Variants in SHTN1 observed in about 807,000 individuals in gnomAD.
SHTN1 encodes the protein shootin 1.
In SHTN1, 42 loss-of-function variants were observed where a neutral mutation model predicts 83.1. The ratio of observed to expected loss-of-function variants is 0.51; its 90% CI spans 0.39 to 0.65. SHTN1 has a LOEUF of 0.65. Among genes scored for constraint, SHTN1 ranks in the 30% least tolerant of loss-of-function variants. SHTN1 has a pLI of 0.00. For missense variants in SHTN1, 622 were observed against 737.8 expected (o/e 0.84, Z 1.82); for synonymous variants, 224 against 247.7 (o/e 0.90, Z 0.90).
chr10:117,020,682 C>T (rs755597277), intron 2 of SHTN1, among the ~76,000 whole-genome samples: 1 of 151,448 alleles, frequency 6.6e-6, no homozygotes, highest in Non-Finnish European at 1.5e-5. Context: ...AATCATGGAC[C>T]TAAATATACA....
intron 1 of SHTN1, among the ~76,000 whole-genome samples, chr10:116,999,926 C>A (rs956986370): frequency 1.3e-5 from 2 of 151,958 alleles, no homozygotes; most frequent in East Asian, 1.9e-4. Context: ...TAAATAAATA[C>A]ATAAATAAAT....
chr10:117,078,747 G>A (rs1298588772), intron 1 of SHTN1, among the ~76,000 whole-genome samples: 2 of 152,098 alleles, frequency 1.3e-5, no homozygotes, highest in East Asian at 3.9e-4. Flanking sequence ...AACCAGAAGA[G>A]TAAAAACATG....
Position 116,881,615 on chromosome 10 carries a change from C to G in SHTN1, c.*4729G>C. The G allele has an allele frequency of 6.4e-7, 1 of 1,550,460 alleles. No individual in the cohort carries two copies. Among genetic ancestry groups the G allele is most frequent in the South Asian group, 1.2e-5 (1 of 84,018 alleles). On this transcript the variant is annotated 3_prime_UTR_variant, in exon 17 of 17. Coordinates refer to ENST00000355371, the MANE Select transcript of SHTN1 (RefSeq NM_001127211.3). ...CGGCTAGGGAGCCGCTGGTGCCCAC[C>G]TTCCCCACACAAGGTGTAGAGGAAT...
At chr10:116,887,489 C>T (rs1007503432) in intron 16 of SHTN1, among the ~76,000 whole-genome samples, 4 of 152,084 alleles carry the variant, frequency 2.6e-5, no homozygotes, top group Non-Finnish European at 5.9e-5. Context: ...AACCATGACC[C>T]GGCACACCAC....
chr10:117,068,427 G>A (rs1267315280), intron 1 of SHTN1, among the ~76,000 whole-genome samples: 1 of 151,958 alleles, frequency 6.6e-6, no homozygotes, highest in African/African-American at 2.4e-5. Context: ...ATATAGTAGT[G>A]GGCACCAATC....
intron 11 of SHTN1, among the ~76,000 whole-genome samples, chr10:116,926,038 T>C (rs933636635): frequency 4.6e-5 from 7 of 152,148 alleles, no homozygotes; most frequent in Non-Finnish European, 7.4e-5. Context: ...TTATGTCCTA[T>C]ACTATTTAAA....
chr10:117,103,680 G>A (rs922987902), intron 1 of SHTN1, among the ~76,000 whole-genome samples: 4 of 151,556 alleles, frequency 2.6e-5, no homozygotes, highest in Admixed American at 6.6e-5. Flanking sequence ...GGGGCTACAG[G>A]TGCCCACCAC....
intron 1 of SHTN1, among the ~76,000 whole-genome samples, chr10:117,099,523 C>T (rs1853558338): frequency 6.6e-6 from 1 of 152,140 alleles, no homozygotes; most frequent in South Asian, 2.1e-4. Context: ...TTCCCAAGTT[C>T]ACAAAGTTGT....
At position 116,977,620 on chromosome 10, in the gene SHTN1, T is replaced by C. The variant is rs537996299; in HGVS notation, c.111+1636A>G. 1.2e-4 allele frequency among the ~76,000 whole-genome samples: 18 copies of C among 152,100 alleles called. No homozygotes were observed. The South Asian group carries it at 3.7e-3, about 32-fold the overall frequency. On this transcript the variant is annotated intron_variant, in intron 2 of 16. Transcript: ENST00000355371. ...TTCTGCATGGTTACAGGGTTGGAAT[T>C]AGAAATCATGCCAAACTACTATTTT...
chr10:116,929,399 T>G (rs1564881823), intron 10 of SHTN1, among the ~76,000 whole-genome samples: 2 of 152,214 alleles, frequency 1.3e-5, no homozygotes, highest in Non-Finnish European at 2.9e-5. Context: ...ATAGAAAGTA[T>G]TATTTCATGT....
At chr10:116,957,191 G>C (rs906656408) in intron 4 of SHTN1, among the ~76,000 whole-genome samples, 3 of 140,698 alleles carry the variant, frequency 2.1e-5, no homozygotes, top group Non-Finnish European at 4.7e-5. Flanking sequence ...TCAAGCTATA[G>C]GTTAATTGCA....
chr10:117,095,476 T>A (rs1332562827), intron 1 of SHTN1, among the ~76,000 whole-genome samples: 1 of 152,182 alleles, frequency 6.6e-6, no homozygotes, highest in Non-Finnish European at 1.5e-5. Context: ...TTCGAAAATA[T>A]CACACTAAGA....
intron 1 of SHTN1, among the ~76,000 whole-genome samples, chr10:117,000,624 A>C (rs1424332488): frequency 6.6e-6 from 1 of 152,200 alleles, no homozygotes; most frequent in African/African-American, 2.4e-5. Context: ...CTTGGAAATG[A>C]CATGGCATTA....
At chr10:116,891,015 A>G (rs1261978485) in intron 16 of SHTN1, among the ~76,000 whole-genome samples, 4 of 152,234 alleles carry the variant, frequency 2.6e-5, no homozygotes, top group Non-Finnish European at 4.4e-5. Flanking sequence ...ATTCAAATTA[A>G]CTAATGCCCA....
chr10:117,037,577 A>G (rs929959355), intron 2 of SHTN1, among the ~76,000 whole-genome samples: 13 of 152,204 alleles, frequency 8.5e-5, no homozygotes, highest in Non-Finnish European at 1.8e-4. Flanking sequence ...AAGAGAGGCA[A>G]AAGACCCAAA....
At chr10:117,104,749 G>A (rs1853649567) in intron 1 of SHTN1, among the ~76,000 whole-genome samples, 1 of 152,118 alleles carries the variant, frequency 6.6e-6, no homozygotes, top group Non-Finnish European at 1.5e-5. Context: ...ACTGCAGCCT[G>A]GGCGACAGAG....
intron 16 of SHTN1, among the ~76,000 whole-genome samples, chr10:116,893,020 G>C (rs761157971): frequency 1.3e-5 from 2 of 152,182 alleles, no homozygotes; most frequent in African/African-American, 4.8e-5. Flanking sequence ...TTAATTCTCT[G>C]AGAGAATTGA....
chr10:116,977,797 C>T (rs1432234586), intron 2 of SHTN1, among the ~76,000 whole-genome samples: 2 of 152,164 alleles, frequency 1.3e-5, no homozygotes, highest in South Asian at 2.1e-4. Flanking sequence ...GCCTCAACCT[C>T]GCAAGTAGCT....
rs760031153 is a variant in SHTN1, at chr10:116,881,717, C to T, written c.*4627G>A. On this transcript the variant is annotated 3_prime_UTR_variant, in exon 17 of 17. Coordinates refer to ENST00000355371, the MANE Select transcript of SHTN1 (RefSeq NM_001127211.3). ...AGCCACACCATCAGTATTAGTAGAC[C>T]GGGAGGTCTGAAGTACGGCGCCGTG... 31 of 1,355,216 alleles carry T rather than the reference C, an allele frequency of 2.3e-5. No homozygotes were observed. Among genetic ancestry groups the T allele is most frequent in the Non-Finnish European group, 2.7e-5 (28 of 1,043,568 alleles). The allele number at this position is 1,355,216 out of a possible 1,614,324, so 83.9% of individuals were successfully genotyped here. A position where few individuals can be genotyped will look rare whatever the true frequency, so the allele number is the denominator to read the frequency against.
Sources: allele counts gnomAD v4.1 joint callset (sites outside exome capture counted in the v4.1 genomes callset), GRCh38; gene constraint gnomAD v4.1.1; transcripts MANE v1.5; gene names NCBI Gene and HGNC (gene_info 2026-07-23, HGNC 2026-07-21).